The following PRKAA1 variants were observed in gnomAD, a reference collection of about 807,000 sequenced individuals.
PRKAA1 encodes 5'-AMP-activated protein kinase catalytic subunit alpha-1.
PRKAA1 carries 23 observed loss-of-function variants against 56.9 expected under a neutral mutation model. That is an observed-to-expected ratio of 0.40 (90% CI 0.29 to 0.57). The LOEUF (loss-of-function observed/expected upper bound fraction) is 0.57, where lower values mean the gene tolerates loss of function less well. Among genes scored for constraint, PRKAA1 ranks in the 20% least tolerant of loss-of-function variants. PRKAA1 has a pLI of 0.39. For synonymous variants in PRKAA1, 226 were observed against 227.0 expected (o/e 1.00, Z 0.04); for missense variants, 413 against 679.7 (o/e 0.61, Z 4.36).
chr5:40,788,296 T>C (rs1362855077), intron 1 of PRKAA1, among the ~76,000 whole-genome samples: 1 of 152,160 alleles, frequency 6.6e-6, no homozygotes, highest in Non-Finnish European at 1.5e-5. Flanking sequence ...AATAATGTCA[T>C]TTGGAAAACT....
rs1023746869 is a variant in PRKAA1 at position 40,774,938 on chromosome 5, G to A, written c.363+472C>T. On this transcript the variant is annotated intron_variant, in intron 3 of 8. Coordinates refer to ENST00000397128, the MANE Select transcript of PRKAA1 (RefSeq NM_006251.6). ...ATATCTAATTCCTACCTCCTTCGTG[G>A]AGCCTGTTTTTACTACTCCAGGTAC... The A allele has an allele frequency of 3.1e-6, 5 of 1,601,892 alleles. No homozygotes were observed. The highest frequency in any genetic ancestry group is 4.3e-6 in the Non-Finnish European group (5 of 1,170,000).
At chr5:40,783,836 G>A (rs1744363017) in intron 1 of PRKAA1, among the ~76,000 whole-genome samples, 1 of 152,110 alleles carries the variant, frequency 6.6e-6, no homozygotes, top group Non-Finnish European at 1.5e-5. Flanking sequence ...AAGTAGAGTT[G>A]AATAGGGTTG....
chr5:40,798,007 G>C (rs866905589), intron 1 of PRKAA1, 56 bp downstream of exon 1: 1 of 1,589,862 alleles, frequency 6.3e-7, no homozygotes, highest in Middle Eastern at 2.0e-4. Context: ...GGTGCGGAAA[G>C]CGGAAGTCGT....
chr5:40,792,250 C>G (rs1744746427), intron 1 of PRKAA1, among the ~76,000 whole-genome samples: 1 of 152,194 alleles, frequency 6.6e-6, no homozygotes, highest in African/African-American at 2.4e-5. Context: ...TAAAAATACA[C>G]CTTGGAAATT....
At chr5:40,768,481 ACAC>A in intron 5 of PRKAA1, 1 of 929,544 alleles carries the variant, frequency 1.1e-6, no homozygotes, top group Non-Finnish European at 1.3e-6. Flanking sequence ...AAGATAGACA[ACAC>A]CATTTTTTTA....
chr5:40,775,233 G>A (rs1743944889), intron 3 of PRKAA1, among the ~76,000 whole-genome samples, 177 bp downstream of exon 3: 1 of 152,172 alleles, frequency 6.6e-6, no homozygotes, highest in Non-Finnish European at 1.5e-5. Flanking sequence ...AACAGGCTAA[G>A]GAGATAATCT....
At chr5:40,784,783 G>T (rs534966430) in intron 1 of PRKAA1, among the ~76,000 whole-genome samples, 2 of 152,230 alleles carry the variant, frequency 1.3e-5, no homozygotes, top group South Asian at 4.1e-4. Context: ...GGAAACTGAG[G>T]CACAGAAAGA....
rs116338283 is a variant in PRKAA1, at chr5:40,765,007, G to A, written c.1053C>T (p.Phe351=). The change falls in exon 7 of 9, where the codon TTC becomes TTT. Residue 351 remains phenylalanine, a synonymous_variant. Transcript: ENST00000397128. ...NRRIMNEAKD[F]YLATSPPDSF... ...AATCAGGTGGGCTTGTCGCCAAATA[G>A]AAATCTTTGGCTTCATTCATTATTC... is the stretch of plus-strand genomic sequence containing the variant. 5.6e-5 allele frequency: 91 copies of A among 1,614,168 alleles called. 1 individual carries two copies. The African/African-American group carries it at 1.1e-3, about 20-fold the overall frequency.
rs1035855562 is a variant in PRKAA1, at chr5:40,760,630, T to G, written c.*2148A>C. 6.5e-5 allele frequency: 10 copies of G among 152,720 alleles called. No individual in the cohort carries two copies. Among genetic ancestry groups the G allele is most frequent in the Non-Finnish European group, 5.9e-5 (4 of 67,994 alleles). The allele number at this position is 152,720 out of a possible 1,614,324, so 9.5% of individuals were successfully genotyped here. A position where few individuals can be genotyped will look rare whatever the true frequency, so the allele number is the denominator to read the frequency against. On this transcript the variant is annotated 3_prime_UTR_variant, in exon 9 of 9. Transcript: ENST00000397128. ...TATTTAAATGGAACTTCTATTACTT[T>G]GTACAGCTTTCAAATTAGAAGTTGA...
intron 3 of PRKAA1, among the ~76,000 whole-genome samples, chr5:40,772,496 T>C (rs1743793151): frequency 6.6e-6 from 1 of 152,114 alleles, no homozygotes; most frequent in African/African-American, 2.4e-5. Flanking sequence ...ATAGAAGACA[T>C]TTTAACAACA....
At chr5:40,770,512 TAAAGA>T (rs766441485) in intron 4 of PRKAA1, among the ~76,000 whole-genome samples, 2 of 149,378 alleles carry the variant, frequency 1.3e-5, no homozygotes, top group African/African-American at 4.9e-5. Context: ...AAAACCAACC[TAAAGA>T]AAAGAAGAGA....
intron 1 of PRKAA1, 64 bp downstream of exon 1, chr5:40,797,999 T>C: frequency 6.3e-7 from 1 of 1,575,774 alleles, no homozygotes; most frequent in South Asian, 1.1e-5. Flanking sequence ...GATGAAGAGG[T>C]GCGGAAAGCG....
chr5:40,795,195 G>A (rs1200489430), intron 1 of PRKAA1, among the ~76,000 whole-genome samples: 2 of 152,028 alleles, frequency 1.3e-5, no homozygotes, highest in Admixed American at 6.6e-5. Flanking sequence ...CTATGAGGAC[G>A]CAAAGGCATA....
chr5:40,774,826 G>A, intron 3 of PRKAA1: 1 of 926,116 alleles, frequency 1.1e-6, no homozygotes, highest in Non-Finnish European at 1.7e-6. Context: ...AAAAGTATGG[G>A]CAGAGGGCAG....
chr5:40,795,357 C>A (rs1744882299), intron 1 of PRKAA1, among the ~76,000 whole-genome samples: 1 of 151,942 alleles, frequency 6.6e-6, no homozygotes, highest in Non-Finnish European at 1.5e-5. Context: ...CTCATGCAAC[C>A]AAATACCATC....
Position 40,774,812 on chromosome 5 carries a change from G to T in PRKAA1, c.363+598C>A, listed in dbSNP as rs902447685. 2.4e-5 allele frequency: 19 copies of T among 795,818 alleles called. No homozygotes were observed. The African/African-American group carries it at 2.6e-4, about 11-fold the overall frequency. The allele number at this position is 795,818 out of a possible 1,614,324, so 49.3% of individuals were successfully genotyped here. A position where few individuals can be genotyped will look rare whatever the true frequency, so the allele number is the denominator to read the frequency against. Reference sequence around the variant, plus strand: ...TTTGCATACCACATAACCTGGGTATGAGAAAAAGTATGGGCAGAGGGCAGT... The same window carrying T: ...TTTGCATACCACATAACCTGGGTATTAGAAAAAGTATGGGCAGAGGGCAGT... On this transcript the variant is annotated intron_variant, in intron 3 of 8. Coordinates refer to ENST00000397128, the MANE Select transcript of PRKAA1 (RefSeq NM_006251.6).
rs1398359834 is a variant in PRKAA1, at chr5:40,798,063, C to A, written c.127G>T (p.Val43Phe). The change falls in exon 1 of 9, where the codon GTT becomes TTT. Residue 43 changes from valine (V) to phenylalanine (F), a missense_variant and splice_region_variant. Transcript: ENST00000397128. The part of the protein sequence containing the change: ...LGVGTFGKVK[V>F]GKHELTGHKV... ...AAGCCTAGTCCCGCGGGGTTCTCAC[C>A]CTTCACTTTGCCGAAGGTGCCGACC... 9.9e-6 allele frequency: 16 copies of A among 1,609,154 alleles called. No homozygotes were observed. Among genetic ancestry groups the A allele is most frequent in the African/African-American group, 1.3e-5 (1 of 74,324 alleles).
intron 1 of PRKAA1, among the ~76,000 whole-genome samples, chr5:40,795,817 T>G (rs1201234450): frequency 6.6e-6 from 1 of 152,232 alleles, no homozygotes; most frequent in East Asian, 1.9e-4. Context: ...GGACTAATAT[T>G]GGCCTTTGTA....
rs1051127295 is a variant in PRKAA1 at position 40,759,545 on chromosome 5, T to C, written c.*3233A>G. ...TGTTGTATGTGGAATTTCATTCTTG[T>C]CAGAACTCACAATGGAAATAAAATT... is the stretch of plus-strand genomic sequence containing the variant. On this transcript the variant is annotated 3_prime_UTR_variant, in exon 9 of 9. Transcript: ENST00000397128. The C allele has an allele frequency of 7.9e-5, 12 of 152,308 alleles. No individual in the cohort carries two copies. Among genetic ancestry groups the C allele is most frequent in the African/African-American group, 2.7e-4 (11 of 41,436 alleles). The allele number at this position is 152,308 out of a possible 1,614,324, so 9.4% of individuals were successfully genotyped here.
Sources: allele counts gnomAD v4.1 joint callset (sites outside exome capture counted in the v4.1 genomes callset), GRCh38; gene constraint gnomAD v4.1.1; transcripts MANE v1.5; gene names NCBI Gene and HGNC (gene_info 2026-07-23, HGNC 2026-07-21).